The following IFFO2 variants were observed in gnomAD, a reference collection of about 807,000 sequenced individuals.
IFFO2 encodes the protein intermediate filament family orphan 2.
Under a neutral mutation model 53.5 loss-of-function variants are expected in IFFO2, and 19 were observed. The observed-to-expected ratio is 0.36, with a 90% CI of 0.25 to 0.52. The LOEUF is 0.52. Ranked by LOEUF, IFFO2 falls within the 20% of genes least tolerant of loss-of-function variation. The pLI, the probability that IFFO2 is intolerant of heterozygous loss-of-function variation, is 0.94. For synonymous variants in IFFO2, 303 were observed against 313.6 expected (o/e 0.97, Z 0.36); for missense variants, 570 against 727.4 (o/e 0.78, Z 2.49).
chr1:18,940,805 A>T (rs1936510312), intron 1 of IFFO2, among the ~76,000 whole-genome samples: 1 of 152,114 alleles, frequency 6.6e-6, no homozygotes, highest in African/African-American at 2.4e-5. Flanking sequence ...ACGTGCAAAT[A>T]CCTAAACATG....
chr1:18,948,132 A>G (rs1044685290), intron 1 of IFFO2, among the ~76,000 whole-genome samples: 2 of 152,186 alleles, frequency 1.3e-5, no homozygotes, highest in South Asian at 4.1e-4. Flanking sequence ...CACCTAGCAC[A>G]AAGTAGGTGC....
intron 1 of IFFO2, among the ~76,000 whole-genome samples, chr1:18,937,623 G>A (rs918828461): frequency 5.3e-5 from 8 of 152,176 alleles, no homozygotes; most frequent in South Asian, 2.1e-4. Flanking sequence ...AAAGCCCCTC[G>A]GAGGGCATCT....
Position 18,917,624 on chromosome 1 carries a change from C to T in IFFO2, c.964-582G>A, listed in dbSNP as rs553542622. 1.0e-3 allele frequency among the ~76,000 whole-genome samples: 152 copies of T among 152,264 alleles called. No individual in the cohort carries two copies. Among genetic ancestry groups the T allele is most frequent in the Admixed American group, 1.2e-3 (18 of 15,298 alleles). Reference sequence around the variant, plus strand: ...CCAGGGAGGCCCAGATCTGGCCCAGCGACGTCAAAGTCACACACACAGAGC... The same window carrying T: ...CCAGGGAGGCCCAGATCTGGCCCAGTGACGTCAAAGTCACACACACAGAGC... On this transcript the variant is annotated intron_variant, in intron 4 of 8. Transcript: ENST00000455833. This position sits in a 1 kb window ranked among gnomAD's most constrained non-coding sequence, Gnocchi z 5.9.
intron 1 of IFFO2, among the ~76,000 whole-genome samples, chr1:18,932,307 A>C (rs7513627): frequency 0.54 from 81,525 of 152,170 alleles, 24,646 homozygotes; most frequent in African/African-American, 0.82. Flanking sequence ...GAGAGCAGCA[A>C]CCTTGTTTCT....
chr1:18,909,946 G>A (rs1399218742), intron 8 of IFFO2, among the ~76,000 whole-genome samples: 3 of 152,136 alleles, frequency 2.0e-5, no homozygotes, highest in Admixed American at 6.5e-5. Flanking sequence ...AGATGGGAAA[G>A]GAAGGGAAAT....
chr1:18,933,157 G>A (rs1198061379), intron 1 of IFFO2, among the ~76,000 whole-genome samples: 1 of 152,208 alleles, frequency 6.6e-6, no homozygotes, highest in Non-Finnish European at 1.5e-5. Flanking sequence ...AGCTCTCGCT[G>A]GGGCAGGACC....
chr1:18,933,172 G>A (rs1936401351), intron 1 of IFFO2, among the ~76,000 whole-genome samples: 1 of 152,248 alleles, frequency 6.6e-6, no homozygotes. Context: ...AGGACCTCTG[G>A]CTCCTCCAGC....
chr1:18,929,033 C>T (rs886788056), intron 1 of IFFO2, among the ~76,000 whole-genome samples: 2 of 152,212 alleles, frequency 1.3e-5, no homozygotes, highest in Non-Finnish European at 2.9e-5. Context: ...TTGCCCCTCA[C>T]TCATTCATTC....
chr1:18,943,896 A>G (rs1936553613), intron 1 of IFFO2, among the ~76,000 whole-genome samples: 1 of 152,278 alleles, frequency 6.6e-6, no homozygotes, highest in African/African-American at 2.4e-5. Context: ...TGCGGACCCC[A>G]CTGTACAGGC....
At chr1:18,921,206 A>G in intron 1 of IFFO2, 85 bp from the exon 2 acceptor site, 1 of 1,184,492 alleles carries the variant, frequency 8.4e-7, no homozygotes, top group Non-Finnish European at 1.2e-6. Context: ...ACACCCACCC[A>G]GGGACTATCT....
rs28542927 is a variant in IFFO2 at position 18,936,940 on chromosome 1, T to A, written c.666-15819A>T. 0.051 allele frequency among the ~76,000 whole-genome samples: 5,866 copies of A among 114,356 alleles called. 393 individuals carry two copies. Among genetic ancestry groups the A allele is most frequent in the African/African-American group, 0.17 (5,523 of 31,918 alleles). 75.0% of individuals were successfully genotyped at this position (114,356 alleles called of 152,430 possible). A position where few individuals can be genotyped will look rare whatever the true frequency, so the allele number is the denominator to read the frequency against. On this transcript the variant is annotated intron_variant, in intron 1 of 8. Coordinates refer to ENST00000455833, the MANE Select transcript of IFFO2 (RefSeq NM_001136265.2). This position sits in a 1 kb window ranked among gnomAD's most constrained non-coding sequence, Gnocchi z 4.5. ...TCAATGAGGATGTGCAAACACAAAC[T>A]GGCTGCAGGTGGGGCAAAAAAAAAA...
At chr1:18,920,688 G>A (rs776101228) in intron 2 of IFFO2, among the ~76,000 whole-genome samples, 2 of 152,138 alleles carry the variant, frequency 1.3e-5, no homozygotes, top group African/African-American at 2.4e-5. Flanking sequence ...AGCCCCAACC[G>A]AGGGCACCCT....
At chr1:18,952,558 T>G (rs1404166477) in intron 1 of IFFO2, among the ~76,000 whole-genome samples, 1 of 152,216 alleles carries the variant, frequency 6.6e-6, no homozygotes, top group Non-Finnish European at 1.5e-5. Context: ...TGCTACAACA[T>G]GGATGAACTT....
Position 18,918,604 on chromosome 1 carries a change from C to T in IFFO2, c.823-102G>A, listed in dbSNP as rs889837794. ...CCCCTAGGTGTCAGCAGGGGTGGTG[C>T]GGGGAGGCCTCCAGAGTCCGAGGGT... On this transcript the variant is annotated intron_variant, in intron 3 of 8. Transcript: ENST00000455833. This position sits in a 1 kb window ranked among gnomAD's most constrained non-coding sequence, Gnocchi z 5.2. The T allele has an allele frequency of 1.7e-5, 18 of 1,050,182 alleles. No homozygotes were observed. The African/African-American group carries it at 2.0e-4, about 12-fold the overall frequency. 65.1% of individuals were successfully genotyped at this position (1,050,182 alleles called of 1,614,324 possible). A position where few individuals can be genotyped will look rare whatever the true frequency, so the allele number is the denominator to read the frequency against.
intron 1 of IFFO2, among the ~76,000 whole-genome samples, chr1:18,932,300 A>G (rs963105474): frequency 6.6e-6 from 1 of 152,204 alleles, no homozygotes; most frequent in South Asian, 2.1e-4. Context: ...GGTCTGAGAG[A>G]GCAGCAACCT....
rs1236781515 is a variant in IFFO2, at chr1:18,955,889, G to T, written c.444C>A (p.Gly148=). The T allele has an allele frequency of 7.4e-7, 1 of 1,354,318 alleles. No individual in the cohort carries two copies. The highest frequency in any genetic ancestry group is 9.4e-7 in the Non-Finnish European group (1 of 1,062,840). 83.9% of individuals were successfully genotyped at this position (1,354,318 alleles called of 1,614,324 possible). ...GGCGGCCGTAGTGCTGCGGGTGCGAGCCGCCGCCGGGGGGCAGGCCGCCCA... is the reference window on the plus strand; with the variant it reads ...GGCGGCCGTAGTGCTGCGGGTGCGATCCGCCGCCGGGGGGCAGGCCGCCCA... ...VALGGLPPGG[G]SHPQHYGRLP... The change falls in exon 1 of 9, where the codon GGC becomes GGA. Residue 148 remains glycine (G), a synonymous_variant. Transcript: ENST00000455833.
rs556239890 is a variant in IFFO2 at position 18,932,904 on chromosome 1, A to T, written c.666-11783T>A. On this transcript the variant is annotated intron_variant, in intron 1 of 8. Coordinates refer to ENST00000455833, the MANE Select transcript of IFFO2 (RefSeq NM_001136265.2). ...ACCATATCCCAGTGCCTGGCACAAG[A>T]CCTGGCACCAAGAGAGCCTTCATGA... 5.9e-5 allele frequency among the ~76,000 whole-genome samples: 9 copies of T among 152,312 alleles called. No homozygotes were observed. The East Asian group carries it at 1.5e-3, about 26-fold the overall frequency.
In IFFO2 at chr1:18,936,935, C is replaced by T. The variant is rs977934225; in HGVS notation, c.666-15814G>A. 8.0e-6 allele frequency among the ~76,000 whole-genome samples: 1 copy of T among 125,506 alleles called. No homozygotes were observed. Among genetic ancestry groups the T allele is most frequent in the Non-Finnish European group, 1.6e-5 (1 of 61,776 alleles). 82.3% of individuals were successfully genotyped at this position (125,506 alleles called of 152,430 possible). The stretch of plus-strand genomic sequence containing the variant: ...TGGATTCAATGAGGATGTGCAAACA[C>T]AAACTGGCTGCAGGTGGGGCAAAAA... On this transcript the variant is annotated intron_variant, in intron 1 of 8. Transcript: ENST00000455833. This position sits in a 1 kb window ranked among gnomAD's most constrained non-coding sequence, Gnocchi z 4.5.
intron 1 of IFFO2, among the ~76,000 whole-genome samples, chr1:18,926,478 C>G (rs1936299415): frequency 6.6e-6 from 1 of 152,152 alleles, no homozygotes; most frequent in Non-Finnish European, 1.5e-5. Context: ...AATGACTCCA[C>G]AAAAGCACAA....
Sources: allele counts gnomAD v4.1 joint callset (sites outside exome capture counted in the v4.1 genomes callset), GRCh38; gene constraint gnomAD v4.1.1; non-coding constraint Gnocchi (gnomAD v3.1); transcripts MANE v1.5; gene names NCBI Gene and HGNC (gene_info 2026-07-23, HGNC 2026-07-21).